Variants in RBFOX3 observed in about 807,000 individuals in gnomAD.
RBFOX3 encodes the protein RNA binding protein fox-1 homolog 3.
A neutral mutation model predicts 48.7 loss-of-function variants in RBFOX3; 17 were observed. That is an observed-to-expected ratio of 0.35 (90% CI 0.24 to 0.52). The LOEUF (loss-of-function observed/expected upper bound fraction) is 0.52. Ranked by LOEUF, RBFOX3 falls within the 20% of genes least tolerant of loss-of-function variation. The pLI, the probability that RBFOX3 is intolerant of heterozygous loss-of-function variation, is 0.94. For synonymous variants in RBFOX3, 212 were observed against 209.5 expected, an observed-to-expected ratio of 1.01 and a Z score of -0.10; for missense variants, 382 against 497.5, an observed-to-expected ratio of 0.77 and a Z score of 2.21.
At chr17:79,309,697 G>T (rs115701281) in intron 2 of RBFOX3, among the ~76,000 whole-genome samples, 1 of 152,154 alleles carries the variant, frequency 6.6e-6, no homozygotes, top group African/African-American at 2.4e-5. Context: ...GGAGGGACCT[G>T]GTGGGAGGTA....
chr17:79,397,470 G>C, intron 2 of RBFOX3, among the ~76,000 whole-genome samples: 1 of 150,832 alleles, frequency 6.6e-6, no homozygotes. Context: ...TCCAGCCTGG[G>C]CAACAGAGGA....
intron 2 of RBFOX3, among the ~76,000 whole-genome samples, chr17:79,398,901 T>C (rs922316727): frequency 3.3e-5 from 5 of 152,194 alleles, no homozygotes; most frequent in African/African-American, 1.2e-4. Context: ...GAACGAGATC[T>C]TCTTTGGAAA....
intron 4 of RBFOX3, among the ~76,000 whole-genome samples, chr17:79,226,035 G>C (rs2060279897): frequency 6.6e-6 from 1 of 152,186 alleles, no homozygotes; most frequent in African/African-American, 2.4e-5. Flanking sequence ...GGCCCATCTG[G>C]ATAGGCCCAA....
At chr17:79,115,797 C>T (rs770327071) in intron 4 of RBFOX3, 49 bp from the exon 5 acceptor site, 8 of 605,246 alleles carry the variant, frequency 1.3e-5, no homozygotes, top group South Asian at 1.9e-5. Flanking sequence ...GTCCCCTTCC[C>T]GGAGCCCCTG....
At chr17:79,158,362 T>G (rs1011590215) in intron 4 of RBFOX3, among the ~76,000 whole-genome samples, 2 of 152,192 alleles carry the variant, frequency 1.3e-5, no homozygotes, top group African/African-American at 4.8e-5. Flanking sequence ...CTCAGTTTCC[T>G]CTACTGTAGA....
the RBFOX3 span, among the ~76,000 whole-genome samples, chr17:79,619,829 C>A: frequency 6.6e-6 from 1 of 152,326 alleles, no homozygotes; most frequent in Non-Finnish European, 1.5e-5. Context: ...GGAGCCTCCT[C>A]TACTGGAAAA....
intron 2 of RBFOX3, among the ~76,000 whole-genome samples, chr17:79,352,542 T>G (rs941495219): frequency 1.3e-5 from 2 of 152,186 alleles, no homozygotes; most frequent in Non-Finnish European, 2.9e-5. Context: ...GGTCTCCAAG[T>G]GCCTTCCATT....
chr17:79,560,434 TCTC>T (rs2144166762), intron 1 of RBFOX3, among the ~76,000 whole-genome samples: 1 of 152,212 alleles, frequency 6.6e-6, no homozygotes, highest in African/African-American at 2.4e-5. Flanking sequence ...CCACTTTACT[TCTC>T]CTTGACTGTA....
chr17:79,347,914 C>T (rs1194148420), intron 2 of RBFOX3, among the ~76,000 whole-genome samples: 1 of 152,196 alleles, frequency 6.6e-6, no homozygotes, highest in African/African-American at 2.4e-5. Flanking sequence ...TCATTCCCTC[C>T]AGTGGAAGTC....
intron 2 of RBFOX3, among the ~76,000 whole-genome samples, chr17:79,456,915 G>C (rs2074592458): frequency 6.6e-6 from 1 of 152,228 alleles, no homozygotes; most frequent in African/African-American, 2.4e-5. Context: ...CCCCCAAGTT[G>C]TTCTGTATCA....
At chr17:79,297,688 C>T (rs1286104669) in intron 3 of RBFOX3, among the ~76,000 whole-genome samples, 1 of 152,234 alleles carries the variant, frequency 6.6e-6, no homozygotes, top group Non-Finnish European at 1.5e-5. Flanking sequence ...TCATAATAAA[C>T]ACAGCCGGCC....
chr17:79,116,120 C>A (rs2033882571), intron 4 of RBFOX3, among the ~76,000 whole-genome samples: 1 of 152,200 alleles, frequency 6.6e-6, no homozygotes, highest in Non-Finnish European at 1.5e-5. Context: ...GATCTGTACA[C>A]CTTGTAACCA....
rs941098246 is a variant in RBFOX3 at position 79,479,109 on chromosome 17, C to T, written c.-175+3345G>A. On this transcript the variant is annotated intron_variant, in intron 2 of 14. Coordinates refer to ENST00000693108, the MANE Select transcript of RBFOX3 (RefSeq NM_001350451.2). This position sits in a 1 kb window ranked among gnomAD's most constrained non-coding sequence, Gnocchi z 5.1. ...GGGCAAAAGCTCCTGCAGGCTTTTC[C>T]CTGCCCGGGTTTCTCCATCACTGTT... Among the ~76,000 whole-genome samples, 1 of 152,218 alleles carries T rather than the reference C, an allele frequency of 6.6e-6. No homozygotes were observed. Among genetic ancestry groups the T allele is most frequent in the Admixed American group, 6.5e-5 (1 of 15,292 alleles).
At chr17:79,152,105 G>C (rs1028602195) in intron 4 of RBFOX3, among the ~76,000 whole-genome samples, 13 of 152,114 alleles carry the variant, frequency 8.5e-5, no homozygotes, top group African/African-American at 2.7e-4. Context: ...TGATGGACTA[G>C]AGCCAGTCTC....
chr17:79,126,093 G>A (rs895919265), intron 4 of RBFOX3, among the ~76,000 whole-genome samples: 4 of 152,204 alleles, frequency 2.6e-5, no homozygotes, highest in African/African-American at 4.8e-5. Flanking sequence ...TATGTGTTCC[G>A]TGAGCAGGAA....
At chr17:79,174,637 T>C (rs946021036) in intron 4 of RBFOX3, among the ~76,000 whole-genome samples, 12 of 150,770 alleles carry the variant, frequency 8.0e-5, no homozygotes, top group Non-Finnish European at 1.6e-4. Context: ...GTCGCTTACA[T>C]GCACTGACAC....
At chr17:79,241,480 C>G (rs993514135) in intron 3 of RBFOX3, among the ~76,000 whole-genome samples, 3 of 152,098 alleles carry the variant, frequency 2.0e-5, no homozygotes, top group Non-Finnish European at 2.9e-5. Context: ...AAAAATGGGG[C>G]CTGTCCTGGT....
intron 2 of RBFOX3, among the ~76,000 whole-genome samples, chr17:79,425,681 G>C (rs906009917): frequency 2.0e-5 from 3 of 152,330 alleles, no homozygotes; most frequent in South Asian, 4.1e-4. Flanking sequence ...GAGCAAGGAA[G>C]GGGGAGAAGA....
Position 79,160,065 on chromosome 17 carries a change from C to T in RBFOX3, c.-33-44317G>A, listed in dbSNP as rs576069719. 2.1e-3 allele frequency among the ~76,000 whole-genome samples: 317 copies of T among 152,392 alleles called. 1 individual carries two copies. Among genetic ancestry groups the T allele is most frequent in the Non-Finnish European group, 3.3e-3 (226 of 68,040 alleles). Reference sequence around the variant, plus strand: ...GCCAACAGGCAGCAAGGGCTGCCTTCCCCAGGAACGCTCCGCTCGAGTAGT... The same window carrying T: ...GCCAACAGGCAGCAAGGGCTGCCTTTCCCAGGAACGCTCCGCTCGAGTAGT... On this transcript the variant is annotated intron_variant, in intron 4 of 14. Coordinates refer to ENST00000693108, the MANE Select transcript of RBFOX3 (RefSeq NM_001350451.2).
Sources: allele counts gnomAD v4.1 joint callset (sites outside exome capture counted in the v4.1 genomes callset), GRCh38; gene constraint gnomAD v4.1.1; non-coding constraint Gnocchi (gnomAD v3.1); transcripts MANE v1.5; gene names NCBI Gene and HGNC (gene_info 2026-07-23, HGNC 2026-07-21).